Variants in TRAPPC2L observed in about 807,000 individuals in gnomAD.
TRAPPC2L encodes the protein trafficking protein particle complex subunit 2-like protein.
Under a neutral mutation model 13.2 loss-of-function variants are expected in TRAPPC2L, and 17 were observed. That is an observed-to-expected ratio of 1.29 (90% CI 0.88 to 1.93). TRAPPC2L has a LOEUF of 1.93. TRAPPC2L is among the 30% of genes most tolerant of loss of function. The pLI is 0.00. For synonymous variants in TRAPPC2L, 150 were observed against 98.1 expected, an observed-to-expected ratio of 1.53 and a Z score of -3.12; for missense variants, 359 against 252.1, an observed-to-expected ratio of 1.42 and a Z score of -2.87.
chr16:88,857,143 C>T, exon 1 of TRAPPC2L: 4 of 1,578,050 alleles, frequency 2.5e-6, no homozygotes, highest in Non-Finnish European at 2.6e-6. Context: ...GGCGCCGAGC[C>T]TCCCAAGATG....
exon 2 of TRAPPC2L, chr16:88,858,698 T>C (rs1968160365): frequency 6.2e-7 from 1 of 1,613,426 alleles, no homozygotes; most frequent in Non-Finnish European, 8.5e-7. Flanking sequence ...TCTCTGGACG[T>C]GGTGGATGAG....
At chr16:88,860,166 G>A (rs1968289434) in exon 4 of TRAPPC2L, 1 of 714,060 alleles carries the variant, frequency 1.4e-6, no homozygotes, top group Non-Finnish European at 2.5e-6. Flanking sequence ...CAGATCTCCA[G>A]CGCATAAAGT....
chr16:88,857,061 G>T, upstream of TRAPPC2L: 2 of 1,477,468 alleles, frequency 1.4e-6, no homozygotes, highest in Non-Finnish European at 1.8e-6. Flanking sequence ...CGGGGCCTGA[G>T]CCAGCTGTGT....
chr16:88,861,088 C>G (rs1392848066), exon 4 of TRAPPC2L: 7 of 871,014 alleles, frequency 8.0e-6, no homozygotes, highest in Non-Finnish European at 1.3e-5. Context: ...TGCATGTTCT[C>G]TCAACTAAAG....
At chr16:88,860,509 G>T in exon 4 of TRAPPC2L, 1 of 600,164 alleles carries the variant, frequency 1.7e-6, no homozygotes, top group Non-Finnish European at 3.0e-6. Flanking sequence ...TGGCAGGGAA[G>T]AGGACGCTGC....
intron 2 of TRAPPC2L, 113 bp from the exon 3 acceptor site, chr16:88,859,550 A>G (rs767659919): frequency 5.1e-5 from 52 of 1,023,574 alleles, no homozygotes; most frequent in Non-Finnish European, 7.3e-5. Flanking sequence ...CCAGCCCAGC[A>G]TGGGCATTTC....
At position 88,857,268 on chromosome 16, in the gene TRAPPC2L, G is replaced by T. The variant is rs751859196; in HGVS notation, c.33+85G>T. 9 of 1,291,750 alleles carry T rather than the reference G, an allele frequency of 7.0e-6. No homozygotes were observed. In the Admixed American group the frequency reaches 2.4e-4, roughly 34 times the overall value. 80.0% of individuals were successfully genotyped at this position (1,291,750 alleles called of 1,614,324 possible). ...TCTACTTCTTCCCTGGGCTTAGAAG[G>T]CACCTTAGGAAATGGGACCTGGAGG... On this transcript the variant is annotated intron_variant, in intron 1 of 3. Coordinates refer to ENST00000565504, the Ensembl canonical transcript of TRAPPC2L.
At chr16:88,859,051 G>A in intron 2 of TRAPPC2L, 1 of 522,650 alleles carries the variant, frequency 1.9e-6, no homozygotes, top group Non-Finnish European at 3.5e-6. Context: ...GAGGAAGTGG[G>A]ACACTTCTGC....
chr16:88,857,871 C>T (rs563897407), intron 1 of TRAPPC2L, among the ~76,000 whole-genome samples: 2 of 152,348 alleles, frequency 1.3e-5, no homozygotes, highest in South Asian at 2.1e-4. Flanking sequence ...CCACACGCTC[C>T]TGCTGCACGG....
chr16:88,857,889 A>T (rs1451827789), intron 1 of TRAPPC2L, among the ~76,000 whole-genome samples: 1 of 152,190 alleles, frequency 6.6e-6, no homozygotes, highest in Non-Finnish European at 1.5e-5. Flanking sequence ...CGGAGCCTTC[A>T]TTTCCTAGCC....
chr16:88,860,343 G>T, exon 4 of TRAPPC2L: 1 of 674,700 alleles, frequency 1.5e-6, no homozygotes, highest in South Asian at 1.6e-5. Context: ...GTTGAATTTG[G>T]AACAGTCAGG....
At chr16:88,857,981 C>G (rs965951402) in intron 1 of TRAPPC2L, among the ~76,000 whole-genome samples, 18 of 152,146 alleles carry the variant, frequency 1.2e-4, no homozygotes, top group Non-Finnish European at 5.9e-5. Context: ...TCCCTCTTGG[C>G]CAAGATGATC....
intron 2 of TRAPPC2L, chr16:88,859,221 G>T: frequency 3.9e-6 from 2 of 510,762 alleles, no homozygotes; most frequent in Admixed American, 4.6e-5. Flanking sequence ...GGAATTCAAA[G>T]ACCTTCCCAA....
intron 1 of TRAPPC2L, among the ~76,000 whole-genome samples, chr16:88,857,707 A>G (rs958083987): frequency 6.6e-6 from 1 of 152,118 alleles, no homozygotes; most frequent in Admixed American, 6.5e-5. Context: ...GCTCCAACCA[A>G]ACAATTCTGC....
At chr16:88,857,176 C>T (rs776719182) in exon 1 of TRAPPC2L, 4 of 1,578,936 alleles carry the variant, frequency 2.5e-6, no homozygotes, top group South Asian at 2.3e-5. Flanking sequence ...GCGGTGATTG[C>T]CAAGGAGGTG....
At chr16:88,856,452 T>C, upstream of TRAPPC2L, 1 of 700,200 alleles carries the variant, frequency 1.4e-6, no homozygotes, top group Admixed American at 2.0e-5. Flanking sequence ...GCCACCCACC[T>C]GCCAGGGAGG....
chr16:88,860,401 T>G, exon 4 of TRAPPC2L: 1 of 611,564 alleles, frequency 1.6e-6, no homozygotes, highest in South Asian at 1.9e-5. Flanking sequence ...GTAAACAGAT[T>G]TAACTTTTGA....
upstream of TRAPPC2L, chr16:88,856,814 TCCCC>T (rs1306003076): frequency 6.6e-7 from 1 of 1,503,942 alleles, no homozygotes. Context: ...GAGGCCCCCA[TCCCC>T]GCGGCGCTGA....
chr16:88,856,398 G>T, upstream of TRAPPC2L: 1 of 701,786 alleles, frequency 1.4e-6, no homozygotes, highest in Non-Finnish European at 2.6e-6. Flanking sequence ...AGAGTAGAGG[G>T]CGGGAAAGGT....
Sources: gnomAD v4.1 joint callset for allele counts (sites outside exome capture counted in the v4.1 genomes callset) on GRCh38, gnomAD v4.1.1 for gene constraint, MANE v1.5 for transcripts, NCBI Gene and HGNC (gene_info 2026-07-23, HGNC 2026-07-21) for gene names.